Variants in TLK1 observed in about 807,000 individuals in gnomAD.
The protein encoded by TLK1 is serine/threonine-protein kinase tousled-like 1.
TLK1 carries 24 observed loss-of-function variants against 105.3 expected under a neutral mutation model. The observed-to-expected ratio is 0.23, with a 90% CI of 0.17 to 0.32. TLK1 has a LOEUF of 0.32. TLK1 is among the 10% of genes least tolerant of loss of function. The pLI is 1.00. For synonymous variants in TLK1, 321 were observed against 310.4 expected, an observed-to-expected ratio of 1.03 and a Z score of -0.36; for missense variants, 558 against 910.5, an observed-to-expected ratio of 0.61 and a Z score of 4.98.
chr2:171,020,008 A>G (rs548113512), intron 12 of TLK1, among the ~76,000 whole-genome samples: 3 of 152,082 alleles, frequency 2.0e-5, no homozygotes, highest in South Asian at 4.2e-4. Context: ...CAGCGAGCCA[A>G]GATCACACTA....
intron 14 of TLK1, among the ~76,000 whole-genome samples, chr2:171,009,126 G>T (rs978976322): frequency 1.3e-5 from 2 of 152,060 alleles, no homozygotes; most frequent in Non-Finnish European, 2.9e-5. Context: ...GGAAGGTGAG[G>T]ACCCTGACGT....
intron 8 of TLK1, 66 bp from the exon 9 acceptor site, chr2:171,050,240 T>C (rs1475106894): frequency 2.7e-6 from 3 of 1,111,010 alleles, no homozygotes; most frequent in South Asian, 1.6e-5. Context: ...GAAATAGTTT[T>C]AATGTTCTAA....
Position 171,196,537 on chromosome 2 carries a change from A to G in TLK1, c.-6+34608T>C, listed in dbSNP as rs957850833. ...TTTTAAAAATGTTCTCAAAAAATTG[A>G]CATGGTTACTTGGTTTGCCATATAT... On this transcript the variant is annotated intron_variant, in intron 1 of 20. Coordinates refer to the TLK1 transcript ENST00000521943. Among the ~76,000 whole-genome samples, 6 of 152,210 alleles carry G rather than the reference A, an allele frequency of 3.9e-5. 1 individual carries two copies. The highest frequency in any genetic ancestry group is 2.0e-4 in the Admixed American group (3 of 15,278).
chr2:171,079,944 G>A (rs1051886067), intron 3 of TLK1, among the ~76,000 whole-genome samples: 3 of 152,108 alleles, frequency 2.0e-5, no homozygotes, highest in African/African-American at 7.2e-5. Context: ...CTACAATAGG[G>A]TATGCATATT....
chr2:171,116,787 T>C (rs903272291), intron 2 of TLK1, among the ~76,000 whole-genome samples: 4 of 152,046 alleles, frequency 2.6e-5, no homozygotes, highest in African/African-American at 9.7e-5. Context: ...GGAATGTGGA[T>C]GGTGTCAAGT....
intron 2 of TLK1, among the ~76,000 whole-genome samples, chr2:171,109,186 T>C (rs1690057822): frequency 6.6e-6 from 1 of 152,138 alleles, no homozygotes. Flanking sequence ...CAAATACAAT[T>C]AACAGCTATT....
intron 1 of TLK1, among the ~76,000 whole-genome samples, chr2:171,155,250 G>GA (rs1692189079): frequency 6.6e-6 from 1 of 152,044 alleles, no homozygotes; most frequent in Non-Finnish European, 1.5e-5. Flanking sequence ...TTACAAAATT[G>GA]AAAATCAGCC....
chr2:171,034,016 A>G (rs575009831), intron 11 of TLK1, among the ~76,000 whole-genome samples: 1 of 152,296 alleles, frequency 6.6e-6, no homozygotes, highest in South Asian at 2.1e-4. Context: ...ACATTAAAAG[A>G]TGTTCAACAA....
chr2:171,044,861 A>T (rs1192664986), intron 11 of TLK1, among the ~76,000 whole-genome samples: 1 of 152,186 alleles, frequency 6.6e-6, no homozygotes, highest in South Asian at 2.1e-4. Context: ...TAAGTTAAAG[A>T]CCCAAATGTT....
intron 12 of TLK1, among the ~76,000 whole-genome samples, chr2:171,019,450 T>C (rs1290281836): frequency 6.6e-6 from 1 of 152,210 alleles, no homozygotes; most frequent in Non-Finnish European, 1.5e-5. Flanking sequence ...TGAAATATGG[T>C]AGGCATTAAA....
At chr2:170,995,487 G>A (rs997952659) in intron 20 of TLK1, among the ~76,000 whole-genome samples, 2 of 152,052 alleles carry the variant, frequency 1.3e-5, no homozygotes, top group Non-Finnish European at 2.9e-5. Flanking sequence ...ATGGCTAAAT[G>A]AGACTTTGCC....
chr2:171,012,098 C>G (rs1232397557), intron 13 of TLK1, among the ~76,000 whole-genome samples: 1 of 151,902 alleles, frequency 6.6e-6, no homozygotes, highest in Non-Finnish European at 1.5e-5. Flanking sequence ...ATATTGCCGA[C>G]TGAGCATCCC....
At chr2:171,184,622 A>G (rs1276658207) in intron 1 of TLK1, among the ~76,000 whole-genome samples, 2 of 150,498 alleles carry the variant, frequency 1.3e-5, no homozygotes, top group Non-Finnish European at 3.0e-5. Flanking sequence ...AGCCTGGGCA[A>G]CAAGAGCAAA....
rs1263544931 is a variant in TLK1, at chr2:170,991,843, C to T, written c.*1937G>A. 2 of 152,102 alleles carry T rather than the reference C, an allele frequency of 1.3e-5. No individual in the cohort carries two copies. The highest frequency in any genetic ancestry group is 2.4e-5 in the African/African-American group (1 of 41,406). The allele number at this position is 152,102 out of a possible 1,614,324, so 9.4% of individuals were successfully genotyped here. On this transcript the variant is annotated 3_prime_UTR_variant, in exon 21 of 21. Coordinates refer to ENST00000431350, the MANE Select transcript of TLK1 (RefSeq NM_012290.5). ...AAAACTCTAACAACAAAACTGAAAA[C>T]TTGCAGGCAGCACGTAAAGCACTCA...
chr2:171,092,353 T>C (rs919694294), intron 2 of TLK1, among the ~76,000 whole-genome samples: 3 of 152,176 alleles, frequency 2.0e-5, no homozygotes, highest in African/African-American at 7.2e-5. Flanking sequence ...ACTACATATT[T>C]TCACTATGAC....
At chr2:171,183,626 T>C (rs1445315984) in intron 1 of TLK1, among the ~76,000 whole-genome samples, 1 of 152,228 alleles carries the variant, frequency 6.6e-6, no homozygotes, top group African/African-American at 2.4e-5. Context: ...GTTAACTTTG[T>C]AACTTTTTGC....
intron 1 of TLK1, among the ~76,000 whole-genome samples, chr2:171,153,696 G>A (rs1314192767): frequency 6.6e-6 from 1 of 152,040 alleles, no homozygotes; most frequent in African/African-American, 2.4e-5. Context: ...GCAGACACAG[G>A]GGTCCCAGAT....
intron 10 of TLK1, among the ~76,000 whole-genome samples, chr2:171,048,400 T>C (rs1489030595): frequency 6.6e-6 from 1 of 152,192 alleles, no homozygotes; most frequent in Non-Finnish European, 1.5e-5. Context: ...TCATAAACAC[T>C]AAAAAATTAT....
chr2:171,137,086 GC>G (rs1337812020), intron 1 of TLK1, among the ~76,000 whole-genome samples: 1 of 152,184 alleles, frequency 6.6e-6, no homozygotes, highest in Non-Finnish European at 1.5e-5. Context: ...ACTTTGGGAA[GC>G]CAAGACTGGT....
Sources: allele counts gnomAD v4.1 joint callset (sites outside exome capture counted in the v4.1 genomes callset), GRCh38; gene constraint gnomAD v4.1.1; transcripts MANE v1.5; gene names NCBI Gene and HGNC (gene_info 2026-07-23, HGNC 2026-07-21).